Variants in DPP10 observed in about 807,000 individuals in gnomAD.
DPP10 encodes the protein dipeptidyl peptidase like 10.
In DPP10, 33 loss-of-function variants were observed where a neutral mutation model predicts 120.9. That is an observed-to-expected ratio of 0.27 (90% CI 0.21 to 0.37). DPP10 has a LOEUF of 0.37. DPP10 is among the 10% of genes least tolerant of loss of function. The pLI is 1.00. For synonymous variants in DPP10, 337 were observed against 326.1 expected (o/e 1.03, Z -0.36); for missense variants, 816 against 942.8 (o/e 0.87, Z 1.76).
chr2:115,411,341 GGA>G (rs953708182), intron 3 of DPP10, among the ~76,000 whole-genome samples: 2 of 151,766 alleles, frequency 1.3e-5, no homozygotes, highest in African/African-American at 4.8e-5. Flanking sequence ...CAAAAAAAAA[GGA>G]GAGAAAAAAA....
chr2:114,879,425 A>C (rs1691426253), intron 1 of DPP10, among the ~76,000 whole-genome samples: 2 of 152,016 alleles, frequency 1.3e-5, no homozygotes, highest in Non-Finnish European at 2.9e-5. Flanking sequence ...ATTTATCTCA[A>C]CTCTTTTAAA....
chr2:114,494,623 T>A (rs141859502), intron 1 of DPP10, among the ~76,000 whole-genome samples: 81 of 152,264 alleles, frequency 5.3e-4, no homozygotes, highest in African/African-American at 1.8e-3. Flanking sequence ...CATACCTACA[T>A]TGTGCCTATC....
intron 1 of DPP10, among the ~76,000 whole-genome samples, chr2:115,260,168 T>G (rs2059191221): frequency 6.6e-6 from 1 of 150,936 alleles, no homozygotes; most frequent in South Asian, 2.1e-4. Flanking sequence ...ATATATACAT[T>G]AATTATGATA....
At chr2:115,420,004 T>A (rs2069793212) in intron 3 of DPP10, among the ~76,000 whole-genome samples, 1 of 152,172 alleles carries the variant, frequency 6.6e-6, no homozygotes, top group East Asian at 1.9e-4. Context: ...AAAAATGTGT[T>A]ATGGAAGTAT....
At chr2:115,053,228 C>T (rs1349718417) in intron 1 of DPP10, among the ~76,000 whole-genome samples, 1 of 152,110 alleles carries the variant, frequency 6.6e-6, no homozygotes, top group East Asian at 1.9e-4. Flanking sequence ...TGGCCATCAG[C>T]TGATGAATGG....
intron 7 of DPP10, among the ~76,000 whole-genome samples, chr2:115,704,655 A>C (rs184916922): frequency 6.6e-6 from 1 of 152,136 alleles, no homozygotes; most frequent in Admixed American, 6.6e-5. Flanking sequence ...GGAAAAAGTC[A>C]TGTATGAGAA....
chr2:114,570,927 A>T (rs1200763872), intron 1 of DPP10, among the ~76,000 whole-genome samples: 1 of 151,984 alleles, frequency 6.6e-6, no homozygotes, highest in East Asian at 1.9e-4. Flanking sequence ...TGGACTATAT[A>T]AACTCTGTGA....
intron 1 of DPP10, among the ~76,000 whole-genome samples, chr2:114,813,531 C>G (rs1036282510): frequency 6.6e-6 from 1 of 152,118 alleles, no homozygotes; most frequent in Non-Finnish European, 1.5e-5. Flanking sequence ...ATAGGTATTG[C>G]TGGTTGGTAT....
intron 1 of DPP10, among the ~76,000 whole-genome samples, chr2:114,732,829 A>G (rs1406388457): frequency 6.6e-6 from 1 of 152,214 alleles, no homozygotes; most frequent in Non-Finnish European, 1.5e-5. Context: ...ATGCTGTAAC[A>G]TAGATTGCAC....
chr2:114,919,032 A>T (rs895015783), intron 1 of DPP10, among the ~76,000 whole-genome samples: 1 of 57,810 alleles, frequency 1.7e-5, no homozygotes, highest in Admixed American at 2.7e-4. Flanking sequence ...TTGTAAAGAG[A>T]TTCCAAAAAA....
chr2:114,969,249 G>A (rs1468182858), intron 1 of DPP10, among the ~76,000 whole-genome samples: 2 of 152,080 alleles, frequency 1.3e-5, no homozygotes, highest in Non-Finnish European at 1.5e-5. Flanking sequence ...GTGTGACGTG[G>A]TATAAAAAAC....
At chr2:115,556,556 C>T (rs2080229245) in intron 5 of DPP10, among the ~76,000 whole-genome samples, 1 of 152,050 alleles carries the variant, frequency 6.6e-6, no homozygotes, top group East Asian at 1.9e-4. Context: ...ACATCAGAAT[C>T]CTAATTGTGT....
intron 1 of DPP10, among the ~76,000 whole-genome samples, chr2:115,293,731 G>A (rs2060761233): frequency 6.6e-6 from 1 of 151,954 alleles, no homozygotes; most frequent in African/African-American, 2.4e-5. Flanking sequence ...TAATGGAAGA[G>A]AATGATGGAG....
intron 3 of DPP10, among the ~76,000 whole-genome samples, chr2:115,437,801 G>A (rs773216131): frequency 2.6e-4 from 39 of 152,098 alleles, no homozygotes; most frequent in Middle Eastern, 3.4e-3. Context: ...TACCTTGGTG[G>A]TATTGTAAGA....
chr2:114,767,384 C>T (rs914505373), intron 1 of DPP10, among the ~76,000 whole-genome samples: 6 of 149,934 alleles, frequency 4.0e-5, no homozygotes, highest in Non-Finnish European at 7.4e-5. Context: ...TAACATAGAC[C>T]TAATTGATGA....
chr2:115,565,302 T>C (rs2080930990), intron 5 of DPP10, among the ~76,000 whole-genome samples: 2 of 152,350 alleles, frequency 1.3e-5, no homozygotes, highest in South Asian at 4.1e-4. Context: ...TTTCACTATG[T>C]TTTATGTACA....
intron 1 of DPP10, among the ~76,000 whole-genome samples, chr2:115,144,643 C>T (rs1398586542): frequency 3.3e-5 from 4 of 119,588 alleles, no homozygotes; most frequent in Non-Finnish European, 6.3e-5. Flanking sequence ...GGAAGGGGAA[C>T]ATCACATTCT....
chr2:115,040,802 G>GTC lies in DPP10; in HGVS notation c.61-268436_61-268435dup, dbSNP rs571571047. On this transcript the variant is annotated intron_variant, in intron 1 of 25. Transcript: ENST00000410059. ...CCATGTAAGATGAGCTTGCTCTCCTGTCGCCTTCTGCCATGATTGAAAGTT... is the reference window on the plus strand; with the variant it reads ...CCATGTAAGATGAGCTTGCTCTCCTGTCTCGCCTTCTGCCATGATTGAAAGTT... 2.4e-3 allele frequency among the ~76,000 whole-genome samples: 358 copies of GTC among 152,098 alleles called. 1 individual carries two copies. Among genetic ancestry groups the GTC allele is most frequent in the African/African-American group, 8.1e-3 (336 of 41,470 alleles).
At chr2:115,117,308 G>A (rs1201642154) in intron 1 of DPP10, among the ~76,000 whole-genome samples, 1 of 152,194 alleles carries the variant, frequency 6.6e-6, no homozygotes, top group African/African-American at 2.4e-5. Context: ...TCACTGCAAT[G>A]TTCTGCCTGC....
Sources: allele counts gnomAD v4.1 joint callset (sites outside exome capture counted in the v4.1 genomes callset), GRCh38; gene constraint gnomAD v4.1.1; transcripts MANE v1.5; gene names NCBI Gene and HGNC (gene_info 2026-07-23, HGNC 2026-07-21).